MBNL1: variants seen among roughly 807,000 people sequenced by gnomAD.
The protein encoded by MBNL1 is muscleblind-like protein 1.
Under a neutral mutation model 42.2 loss-of-function variants are expected in MBNL1, and 8 were observed. The observed-to-expected ratio is 0.19, with a 90% CI of 0.11 to 0.34. The LOEUF (loss-of-function observed/expected upper bound fraction) is 0.34, where lower values mean the gene tolerates loss of function less well. Ranked by LOEUF, MBNL1 falls within the 10% of genes least tolerant of loss-of-function variation. MBNL1 has a pLI of 1.00. For synonymous variants in MBNL1, 169 were observed against 173.9 expected, an observed-to-expected ratio of 0.97 and a Z score of 0.22; for missense variants, 309 against 495.3, an observed-to-expected ratio of 0.62 and a Z score of 3.57.
At chr3:152,435,072 C>A (rs1241949881) in intron 4 of MBNL1, among the ~76,000 whole-genome samples, 2 of 147,218 alleles carry the variant, frequency 1.4e-5, no homozygotes, top group African/African-American at 5.0e-5. Flanking sequence ...TTTTTTTTTT[C>A]GTTGCGATTG....
At chr3:152,363,421 T>C (rs543435146) in intron 2 of MBNL1, among the ~76,000 whole-genome samples, 211 of 152,248 alleles carry the variant, frequency 1.4e-3, no homozygotes, top group Non-Finnish European at 2.2e-3. Flanking sequence ...GATCATTAAG[T>C]TGAATAGAGG....
chr3:152,398,805 A>G (rs1234830993), intron 2 of MBNL1, among the ~76,000 whole-genome samples: 1 of 152,200 alleles, frequency 6.6e-6, no homozygotes, highest in African/African-American at 2.4e-5. Flanking sequence ...AACCTTCCCC[A>G]AGCTAGACTT....
intron 2 of MBNL1, among the ~76,000 whole-genome samples, chr3:152,330,122 C>T (rs1183848476): frequency 1.3e-5 from 2 of 152,240 alleles, no homozygotes; most frequent in East Asian, 3.9e-4. Flanking sequence ...TTTTGCTGAA[C>T]ACATTTTCAG....
intron 2 of MBNL1, among the ~76,000 whole-genome samples, chr3:152,311,605 AATT>A (rs2066531259): frequency 1.3e-5 from 2 of 152,234 alleles, no homozygotes; most frequent in African/African-American, 4.8e-5. Context: ...TATTTGTAAT[AATT>A]ATCAATAATG....
At chr3:152,399,260 G>T (rs559934050) in intron 2 of MBNL1, among the ~76,000 whole-genome samples, 60 of 152,188 alleles carry the variant, frequency 3.9e-4, no homozygotes, top group African/African-American at 1.3e-3. Flanking sequence ...TGCCTGCCTT[G>T]CCTTGCCTTC....
intron 1 of MBNL1, among the ~76,000 whole-genome samples, chr3:152,293,614 A>C (rs2057179556): frequency 6.6e-6 from 1 of 152,220 alleles, no homozygotes; most frequent in African/African-American, 2.4e-5. Flanking sequence ...TTTCAGTTAG[A>C]TTGAAACTAT....
intron 2 of MBNL1, among the ~76,000 whole-genome samples, chr3:152,365,799 T>C (rs1371795712): frequency 6.6e-6 from 1 of 152,138 alleles, no homozygotes; most frequent in Non-Finnish European, 1.5e-5. Flanking sequence ...TTCCAGAAAT[T>C]CCAAGATAGC....
At chr3:152,365,195 G>A (rs980178052) in intron 2 of MBNL1, among the ~76,000 whole-genome samples, 2 of 152,042 alleles carry the variant, frequency 1.3e-5, no homozygotes, top group Non-Finnish European at 2.9e-5. Flanking sequence ...TTCCTAAGGT[G>A]TAGTCCAAAA....
upstream of MBNL1, chr3:152,263,551 C>T (rs2036669957): frequency 6.6e-6 from 1 of 152,344 alleles, no homozygotes; most frequent in Non-Finnish European, 1.5e-5. Flanking sequence ...TCACATTCCG[C>T]TGCTGGGTCC....
rs1236348738 is a variant in MBNL1 at position 152,269,339 on chromosome 3, C to T, written c.-790+247C>T. 2.3e-5 allele frequency: 8 copies of T among 351,382 alleles called. No homozygotes were observed. The East Asian group carries it at 5.7e-4, about 25-fold the overall frequency. 21.8% of individuals were successfully genotyped at this position (351,382 alleles called of 1,614,324 possible). On this transcript the variant is annotated intron_variant, in intron 1 of 9. Transcript: ENST00000324210. ...GCGGGCTCTGCGGACGCTGTCACGG[C>T]ACAGCCCGCGCACGGCTTGGCAGCC...
intron 2 of MBNL1, among the ~76,000 whole-genome samples, chr3:152,323,410 G>T (rs1016891909): frequency 2.0e-5 from 3 of 151,880 alleles, no homozygotes; most frequent in Admixed American, 1.3e-4. Context: ...AAATATATCT[G>T]TAGTCACTAA....
At chr3:152,269,911 C>CA in intron 1 of MBNL1, 1 of 142,710 alleles carries the variant, frequency 7.0e-6, no homozygotes, top group East Asian at 2.2e-4. Context: ...GTAGCCACCC[C>CA]CCAACTTTTT....
rs557199285 is a variant in MBNL1, at chr3:152,280,107, T to C, written c.-790+11015T>C. On this transcript the variant is annotated intron_variant, in intron 1 of 9. Coordinates refer to ENST00000324210, the MANE Select transcript of MBNL1 (RefSeq NM_021038.5). Reference sequence around the variant, plus strand: ...AAGAAAGCATCCTTAATAGCAAATATTGATTGCAGTGCCAGTGTGCCATGT... The same window carrying C: ...AAGAAAGCATCCTTAATAGCAAATACTGATTGCAGTGCCAGTGTGCCATGT... Among the ~76,000 whole-genome samples the C allele has an allele frequency of 7.5e-4, 114 of 152,332 alleles. 1 individual carries two copies. Among genetic ancestry groups the C allele is most frequent in the African/African-American group, 2.6e-3 (110 of 41,588 alleles).
intron 2 of MBNL1, among the ~76,000 whole-genome samples, chr3:152,385,451 A>G (rs2097371045): frequency 6.6e-6 from 1 of 152,092 alleles, no homozygotes; most frequent in African/African-American, 2.4e-5. Flanking sequence ...ATTAGATGTT[A>G]AAATCTTCAT....
intron 5 of MBNL1, among the ~76,000 whole-genome samples, chr3:152,446,979 C>T (rs1017670354): frequency 2.0e-5 from 3 of 152,094 alleles, no homozygotes; most frequent in Non-Finnish European, 4.4e-5. Context: ...CCCAGCAGCC[C>T]ACATTCAGTT....
At chr3:152,335,052 A>G in intron 2 of MBNL1, 1 of 1,237,010 alleles carries the variant, frequency 8.1e-7, no homozygotes, top group Non-Finnish European at 1.0e-6. Context: ...TGCTGCTGCT[A>G]ATATTGCTGG....
chr3:152,335,258 A>G (rs1305400131), intron 2 of MBNL1: 1 of 1,289,658 alleles, frequency 7.8e-7, no homozygotes, highest in Non-Finnish European at 1.0e-6. Flanking sequence ...TTGGGGAGCC[A>G]GTTTGCTAAG....
intron 2 of MBNL1, among the ~76,000 whole-genome samples, chr3:152,345,926 T>A (rs1201326278): frequency 6.6e-6 from 1 of 152,132 alleles, no homozygotes; most frequent in East Asian, 1.9e-4. Flanking sequence ...CTTAGAACAG[T>A]GTTCAATAGG....
chr3:152,297,384 T>G (rs2059073644), intron 1 of MBNL1, among the ~76,000 whole-genome samples: 1 of 149,712 alleles, frequency 6.7e-6, no homozygotes, highest in Admixed American at 6.7e-5. Flanking sequence ...CACACTGTCT[T>G]CCGGCCTGGA....
Sources: allele counts gnomAD v4.1 joint callset (sites outside exome capture counted in the v4.1 genomes callset), GRCh38; gene constraint gnomAD v4.1.1; transcripts MANE v1.5; gene names NCBI Gene and HGNC (gene_info 2026-07-23, HGNC 2026-07-21).